C12orf42: variants seen among roughly 807,000 people sequenced by gnomAD.
C12orf42 encodes the protein chromosome 12 open reading frame 42, also known as uncharacterized protein C12orf42.
Under a neutral mutation model 21.6 loss-of-function variants are expected in C12orf42, and 25 were observed. The observed-to-expected ratio is 1.16, with a 90% CI of 0.84 to 1.62. The LOEUF (loss-of-function observed/expected upper bound fraction) is 1.62, where lower values mean the gene tolerates loss of function less well. Among genes scored for constraint, C12orf42 ranks in the 40% most tolerant of loss-of-function variants. The pLI, the probability that C12orf42 is intolerant of heterozygous loss-of-function variation, is 0.00. For synonymous variants in C12orf42, 174 were observed against 175.0 expected, an observed-to-expected ratio of 0.99 and a Z score of 0.05; for missense variants, 483 against 459.3, an observed-to-expected ratio of 1.05 and a Z score of -0.47.
the C12orf42 span, chr12:103,168,035 T>C: frequency 2.9e-5 from 13 of 455,708 alleles, no homozygotes; most frequent in African/African-American, 8.0e-5. Flanking sequence ...CATCTCTTTA[T>C]AGGTGAGGGA....
chr12:103,144,972 T>C, the C12orf42 span, among the ~76,000 whole-genome samples: 1 of 152,236 alleles, frequency 6.6e-6, no homozygotes, highest in African/African-American at 2.4e-5. Context: ...GGAAAGCATA[T>C]CTGATTGGCA....
At chr12:103,520,452 T>A in the C12orf42 span, among the ~76,000 whole-genome samples, 2 of 151,808 alleles carry the variant, frequency 1.3e-5, no homozygotes, top group Non-Finnish European at 2.9e-5. Context: ...ACTTTGAGAG[T>A]CCCAAGTCAG....
intron 2 of C12orf42, among the ~76,000 whole-genome samples, chr12:103,410,763 T>A (rs2048777510): frequency 6.6e-6 from 1 of 152,192 alleles, no homozygotes; most frequent in South Asian, 2.1e-4. Context: ...AGTCTCACCT[T>A]TGTCCTTTCA....
the C12orf42 span, among the ~76,000 whole-genome samples, chr12:103,538,322 A>T: frequency 2.0e-5 from 3 of 152,258 alleles, no homozygotes; most frequent in Non-Finnish European, 4.4e-5. Flanking sequence ...TAAAATACAG[A>T]TGGAAGAATG....
chr12:103,494,263 G>A (rs1475240406), intron 1 of C12orf42, among the ~76,000 whole-genome samples: 1 of 152,194 alleles, frequency 6.6e-6, no homozygotes, highest in Non-Finnish European at 1.5e-5. Flanking sequence ...ATTGTGAAGA[G>A]TTCTTTCTTT....
At chr12:103,077,515 A>T in the C12orf42 span, among the ~76,000 whole-genome samples, 1 of 152,192 alleles carries the variant, frequency 6.6e-6, no homozygotes, top group Non-Finnish European at 1.5e-5. Context: ...AAATAGTGAA[A>T]CTGAGCTTGA....
chr12:103,378,486 A>G (rs2045897838), intron 3 of C12orf42, among the ~76,000 whole-genome samples: 1 of 152,144 alleles, frequency 6.6e-6, no homozygotes, highest in South Asian at 2.1e-4. Context: ...ATCCCCATCC[A>G]AGGCAAATCC....
chr12:103,307,753 C>T (rs996948507), intron 4 of C12orf42, among the ~76,000 whole-genome samples: 4 of 151,916 alleles, frequency 2.6e-5, no homozygotes, highest in Non-Finnish European at 5.9e-5. Flanking sequence ...GGGGCATGCA[C>T]ATGTGTGCAC....
At chr12:103,126,364 A>G in the C12orf42 span, among the ~76,000 whole-genome samples, 1 of 152,236 alleles carries the variant, frequency 6.6e-6, no homozygotes, top group Admixed American at 6.5e-5. Context: ...TTGAAAGTCC[A>G]TTACTGGTTC....
chr12:103,073,324 T>TA, the C12orf42 span, among the ~76,000 whole-genome samples: 1 of 152,108 alleles, frequency 6.6e-6, no homozygotes, highest in Non-Finnish European at 1.5e-5. Flanking sequence ...CCCTCAAATT[T>TA]AAAATAGAAG....
chr12:103,123,287 G>C, the C12orf42 span, among the ~76,000 whole-genome samples: 34 of 152,286 alleles, frequency 2.2e-4, no homozygotes, highest in African/African-American at 4.8e-4. Context: ...TTGCAGGTAG[G>C]GAGTGCTGAA....
At chr12:103,340,324 G>A (rs936289189) in intron 4 of C12orf42, among the ~76,000 whole-genome samples, 12 of 152,214 alleles carry the variant, frequency 7.9e-5, no homozygotes, top group African/African-American at 2.4e-4. Flanking sequence ...GGGAACTCAA[G>A]TAGGGCCAGG....
chr12:103,187,577 G>T, the C12orf42 span, among the ~76,000 whole-genome samples: 2 of 152,068 alleles, frequency 1.3e-5, no homozygotes, highest in Non-Finnish European at 2.9e-5. Flanking sequence ...GCCAATGTAT[G>T]GTCTTTTCAT....
the C12orf42 span, among the ~76,000 whole-genome samples, chr12:103,552,083 T>G: frequency 6.6e-6 from 1 of 152,214 alleles, no homozygotes; most frequent in African/African-American, 2.4e-5. Context: ...GAATGAACCT[T>G]GACCTTGAGG....
the C12orf42 span, among the ~76,000 whole-genome samples, chr12:103,126,586 G>A: frequency 1.2e-4 from 19 of 152,076 alleles, no homozygotes; most frequent in African/African-American, 4.3e-4. Context: ...GTTCAAGAAT[G>A]TGAAGGTGTG....
chr12:103,070,810 G>A, the C12orf42 span, among the ~76,000 whole-genome samples: 1 of 152,024 alleles, frequency 6.6e-6, no homozygotes, highest in Non-Finnish European at 1.5e-5. Context: ...TTGTAAATAT[G>A]GGTAACTTCT....
the C12orf42 span, among the ~76,000 whole-genome samples, chr12:103,181,286 TA>T: frequency 6.6e-6 from 1 of 150,612 alleles, no homozygotes; most frequent in Non-Finnish European, 1.5e-5. Context: ...AAGTAAAAAT[TA>T]AAAAAAATAA....
chr12:103,212,265 A>G, the C12orf42 span, among the ~76,000 whole-genome samples: 1 of 152,202 alleles, frequency 6.6e-6, no homozygotes, highest in Non-Finnish European at 1.5e-5. Flanking sequence ...ATTGTCTTAT[A>G]CATGTGTTTC....
chr12:103,353,471 A>AT (rs1181947539), intron 4 of C12orf42, among the ~76,000 whole-genome samples: 2 of 152,094 alleles, frequency 1.3e-5, no homozygotes, highest in Middle Eastern at 3.2e-3. Flanking sequence ...ACTTGCCAGT[A>AT]CCTCTTCTGC....
Sources: allele counts gnomAD v4.1 joint callset (sites outside exome capture counted in the v4.1 genomes callset), GRCh38; gene constraint gnomAD v4.1.1; transcripts MANE v1.5; gene names NCBI Gene and HGNC (gene_info 2026-07-23, HGNC 2026-07-21).